NOTCH2: variants seen among roughly 807,000 people sequenced by gnomAD.
NOTCH2 encodes neurogenic locus notch homolog protein 2.
NOTCH2 carries 29 observed loss-of-function variants against 235.8 expected under a neutral mutation model. The observed-to-expected ratio is 0.12, with a 90% confidence interval of 0.09 to 0.17. NOTCH2 has a LOEUF of 0.17. Among genes scored for constraint, NOTCH2 ranks in the 10% least tolerant of loss-of-function variants. The probability of loss-of-function intolerance (pLI) is 1.00; values close to 1 mark genes in which losing one functional copy is unlikely to be tolerated. For missense variants in NOTCH2, 2,285 were observed against 3,150.2 expected (o/e 0.73, Z 6.57); for synonymous variants, 1,086 against 1,141.5 (o/e 0.95, Z 0.98).
chr1:119,913,890 A>G lies in NOTCH2; in HGVS notation c.*1416T>C, dbSNP rs587600330. The G allele has an allele frequency of 5.1e-5, 12 of 233,116 alleles. No homozygotes were observed. The highest frequency in any genetic ancestry group is 2.6e-4 in the African/African-American group (12 of 45,466). The allele number at this position is 233,116 out of a possible 1,614,324, so 14.4% of individuals were successfully genotyped here. On this transcript the variant is annotated 3_prime_UTR_variant, in exon 34 of 34. Transcript: ENST00000256646. ...CAACCTTCTTATAGGGCTGTTTTGG[A>G]TCATAGAAAACAAGTCCAACTTTCC...
At chr1:120,014,289 G>A (rs1352779173) in intron 2 of NOTCH2, among the ~76,000 whole-genome samples, 7 of 152,070 alleles carry the variant, frequency 4.6e-5, no homozygotes, top group Non-Finnish European at 7.3e-5. Context: ...TCTCAGCTGG[G>A]CACAGTGGCT....
Position 119,949,058 on chromosome 1 carries a change from C to T in NOTCH2, c.2548G>A (p.Glu850Lys). ...GTATAACTCTCAAAATTTGGTGACT[C>T]TTTGCAAACAGCAGCATTCTCACAA... ...NPCENAAVCKESPNFESYTCL... is the reference protein window; with the variant it reads ...NPCENAAVCKKSPNFESYTCL... Residue 850 changes from glutamate (E) to lysine (K), a missense_variant, in exon 16 of 34, where the codon GAG becomes AAG. By Grantham distance (56) the Glu-to-Lys change is moderately conservative. Coordinates refer to ENST00000256646, the MANE Select transcript of NOTCH2 (RefSeq NM_024408.4). The T allele has an allele frequency of 6.2e-7, 1 of 1,614,190 alleles. No homozygotes were observed. Among genetic ancestry groups the T allele is most frequent in the Non-Finnish European group, 8.5e-7 (1 of 1,180,016 alleles).
At chr1:120,028,258 C>T (rs1402510931) in intron 2 of NOTCH2, among the ~76,000 whole-genome samples, 2 of 112,990 alleles carry the variant, frequency 1.8e-5, no homozygotes, top group Non-Finnish European at 3.6e-5. Flanking sequence ...AACACATCAA[C>T]AAATGACCAT....
chr1:119,996,907 G>A, intron 4 of NOTCH2, 90 bp downstream of exon 4: 5 of 1,501,948 alleles, frequency 3.3e-6, no homozygotes, highest in Admixed American at 1.8e-5. Context: ...TTTTTCCTTG[G>A]GCTTCCTAAA....
At chr1:119,927,188 G>A (rs587710036) in intron 23 of NOTCH2, among the ~76,000 whole-genome samples, 1 of 152,234 alleles carries the variant, frequency 6.6e-6, no homozygotes, top group South Asian at 2.1e-4. Flanking sequence ...AAGGCCCCTG[G>A]GGGCCACTGC....
intron 1 of NOTCH2, among the ~76,000 whole-genome samples, chr1:120,065,150 T>C (rs1553216850): frequency 6.6e-6 from 1 of 152,170 alleles, no homozygotes. Flanking sequence ...AATTCAAAAT[T>C]ACAAGTTAAA....
chr1:119,997,373 TAGG>T (rs782661861), intron 3 of NOTCH2, 41 bp from the exon 4 acceptor site: 5 of 1,574,574 alleles, frequency 3.2e-6, no homozygotes, highest in Admixed American at 3.3e-5. Flanking sequence ...GCCACAGAAA[TAGG>T]AGATGGCCCC....
chr1:119,963,733 C>A lies in NOTCH2; in HGVS notation c.1756G>T (p.Asp586Tyr), dbSNP rs2101137188. The change falls in exon 11 of 34, where the codon GAT becomes TAT. Residue 586 changes from aspartate to tyrosine, a missense_variant. By Grantham distance (160) the Asp-to-Tyr change is radical. Coordinates refer to ENST00000256646, the MANE Select transcript of NOTCH2 (RefSeq NM_024408.4). ...PDPCHHGQCQ[D>Y]GIDSYTCICN... ...ATGCAGGTGTAGGAATCAATACCAT[C>A]CTGACACTGACCATGGTGGCAAGGA... 1 of 1,614,160 alleles carries A rather than the reference C, an allele frequency of 6.2e-7. No homozygotes were observed. The highest frequency in any genetic ancestry group is 8.5e-7 in the Non-Finnish European group (1 of 1,180,008).
Position 119,925,806 on chromosome 1 carries a change from A to G in NOTCH2, c.4010T>C (p.Phe1337Ser). 6.2e-7 allele frequency: 1 copy of G among 1,614,084 alleles called. No homozygotes were observed. Among genetic ancestry groups the G allele is most frequent in the Non-Finnish European group, 8.5e-7 (1 of 1,180,018 alleles). ...GCTGCTCTGGCACCTTGCCCCGGAA[A>G]ATCCCTGTGGAAATCAGTGAGGAAA... The part of the protein sequence containing the change: ...DGFICRCPPG[F>S]SGARCQSSCG... The change falls in exon 25 of 34, where the codon TTT becomes TCT. Residue 1337 changes from phenylalanine to serine, a missense_variant. This residue lies in a region of NOTCH2 where 1,173 missense variants were observed against 1,515.3 expected (regional missense o/e 0.77). Transcript: ENST00000256646.
rs1451002806 is a variant in NOTCH2, at chr1:120,010,303, C to T, written c.156-4715G>A. On this transcript the variant is annotated intron_variant, in intron 2 of 33. Transcript: ENST00000256646. ...TCCAGCCATCCTTGGAATAACAGAACCTTCAGATTCAAGAAATTTAATTTC... is the reference window on the plus strand; with the variant it reads ...TCCAGCCATCCTTGGAATAACAGAATCTTCAGATTCAAGAAATTTAATTTC... Among the ~76,000 whole-genome samples the T allele has an allele frequency of 3.3e-5, 5 of 152,194 alleles. No homozygotes were observed. In the South Asian group the frequency reaches 6.2e-4, roughly 19 times the overall value.
At chr1:119,922,845 C>T (rs1649335593) in intron 26 of NOTCH2, 67 bp from the exon 27 acceptor site, 1 of 1,597,576 alleles carries the variant, frequency 6.3e-7, no homozygotes, top group Non-Finnish European at 8.6e-7. Context: ...GCAGGTCAGG[C>T]AGAACATGTC....
At chr1:119,945,609 C>G (rs1650225292) in intron 17 of NOTCH2, among the ~76,000 whole-genome samples, 1 of 151,912 alleles carries the variant, frequency 6.6e-6, no homozygotes, top group South Asian at 2.1e-4. Flanking sequence ...AGAAATATGA[C>G]AAGAGTTTAA....
intron 18 of NOTCH2, among the ~76,000 whole-genome samples, chr1:119,940,963 A>C (rs1553196393): frequency 2.0e-5 from 3 of 152,222 alleles, no homozygotes; most frequent in Non-Finnish European, 4.4e-5. Flanking sequence ...GAAGTATTTA[A>C]AAGACTGAGC....
At chr1:119,966,526 G>T in intron 8 of NOTCH2, 37 bp from the exon 9 acceptor site, 2 of 1,441,752 alleles carry the variant, frequency 1.4e-6, no homozygotes, top group Non-Finnish European at 2.0e-6. Context: ...CTTAAAGAGA[G>T]AGAAAGGTGT....
chr1:119,912,593 A>C lies in NOTCH2; in HGVS notation c.*2713T>G, dbSNP rs1352799856. 4.3e-6 allele frequency: 1 copy of C among 233,044 alleles called. No homozygotes were observed. Among genetic ancestry groups the C allele is most frequent in the Non-Finnish European group, 8.5e-6 (1 of 118,010 alleles). The allele number at this position is 233,044 out of a possible 1,614,324, so 14.4% of individuals were successfully genotyped here. A position where few individuals can be genotyped will look rare whatever the true frequency, so the allele number is the denominator to read the frequency against. Reference sequence around the variant, plus strand: ...GAGGAAGCAAATAAACAAACAAAAAAACCTATCCCCAAAGGCAGGCAGAAG... The same window carrying C: ...GAGGAAGCAAATAAACAAACAAAAACACCTATCCCCAAAGGCAGGCAGAAG... On this transcript the variant is annotated 3_prime_UTR_variant, in exon 34 of 34. Transcript: ENST00000256646.
intron 33 of NOTCH2, 95 bp downstream of exon 33, chr1:119,917,570 C>A (rs1336269900): frequency 6.9e-6 from 6 of 868,624 alleles, no homozygotes; most frequent in East Asian, 4.8e-5. Flanking sequence ...TTTGTCTATA[C>A]ATATAACAAG....
In NOTCH2 at chr1:120,069,539, G is replaced by A. The variant is rs1215164761; in HGVS notation, c.-133C>T. The A allele has an allele frequency of 9.9e-6, 14 of 1,417,572 alleles. No homozygotes were observed. In the East Asian group the frequency reaches 4.0e-4, roughly 40 times the overall value. The allele number at this position is 1,417,572 out of a possible 1,614,324, so 87.8% of individuals were successfully genotyped here. On this transcript the variant is annotated 5_prime_UTR_variant, in exon 1 of 34. Transcript: ENST00000256646. ...TCAAAGGCTCAGGCCCTGGCGCTAC[G>A]CTCCGAAGCCCAGGCGCAAATGCCT... is the stretch of plus-strand genomic sequence containing the variant.
chr1:119,964,093 A>T (rs1651045103), intron 10 of NOTCH2, among the ~76,000 whole-genome samples: 2 of 152,208 alleles, frequency 1.3e-5, no homozygotes, highest in African/African-American at 4.8e-5. Flanking sequence ...ATTTCTTACT[A>T]GGCTTCAGGT....
At chr1:119,921,607 C>CTA (rs1483740567) in intron 29 of NOTCH2, 106 bp downstream of exon 29, 275 of 909,864 alleles carry the variant, frequency 3.0e-4, no homozygotes, top group Admixed American at 5.1e-4. Flanking sequence ...GACATCAAGA[C>CTA]TATCACTCTT....
Sources: allele counts gnomAD v4.1 joint callset (sites outside exome capture counted in the v4.1 genomes callset), GRCh38; gene constraint gnomAD v4.1.1; regional missense constraint gnomAD v4.1.1; transcripts MANE v1.5; gene names NCBI Gene and HGNC (gene_info 2026-07-23, HGNC 2026-07-21).